Variants in WFDC13 observed in about 807,000 individuals in gnomAD.
WFDC13 encodes WAP four-disulfide core domain protein 13.
WFDC13 carries 6 observed loss-of-function variants against 10.9 expected under a neutral mutation model. That is an observed-to-expected ratio of 0.55 (90% CI 0.30 to 1.09). WFDC13 has a LOEUF of 1.09. WFDC13 is among the 50% of genes least tolerant of loss of function. The probability of loss-of-function intolerance (pLI) is 0.06; values close to 1 mark genes in which losing one functional copy is unlikely to be tolerated. For synonymous variants in WFDC13, 38 were observed against 39.5 expected, an observed-to-expected ratio of 0.96 and a Z score of 0.14; for missense variants, 104 against 109.6, an observed-to-expected ratio of 0.95 and a Z score of 0.23.
intron 1 of WFDC13, 94 bp downstream of exon 1, chr20:45,702,305 AC>A: frequency 1.6e-6 from 2 of 1,289,626 alleles, no homozygotes; most frequent in East Asian, 5.1e-5. Flanking sequence ...TTGGAAAAAT[AC>A]CGTGTCATGT....
chr20:45,704,588 G>T lies in WFDC13; in HGVS notation c.233G>T (p.Arg78Leu), dbSNP rs142436120. The stretch of plus-strand genomic sequence containing the variant: ...TGTTCATCAGAAACATTTCAAAAGC[G>T]CAACAGGTAAGAGATATCTCATATC... ...IVCSSETFQKRNRIKHKGSEV... is the reference protein window; with the variant it reads ...IVCSSETFQKLNRIKHKGSEV... The change falls in exon 2 of 4, where the codon CGC (arginine) becomes CTC (leucine). Residue 78 changes from arginine to leucine, a missense_variant. Physicochemically the swap from Arg to Leu is moderately radical, Grantham distance 102 (BLOSUM62 -2). Transcript: ENST00000305479. The T allele has an allele frequency of 2.9e-5, 47 of 1,613,864 alleles. No individual in the cohort carries two copies. The highest frequency in any genetic ancestry group is 3.7e-5 in the Non-Finnish European group (44 of 1,179,944).
rs1984463708 is a variant in WFDC13 at position 45,708,048 on chromosome 20, C to T, written c.*213C>T. ...CTTCCAAAGCTCAGCACAGTTTCCT[C>T]CTGGGATGAGGAGAGGAATCAGAAA... On this transcript the variant is annotated 3_prime_UTR_variant, in exon 4 of 4. Transcript: ENST00000305479. The T allele has an allele frequency of 6.6e-6, 1 of 152,200 alleles. No homozygotes were observed. Among genetic ancestry groups the T allele is most frequent in the Non-Finnish European group, 1.5e-5 (1 of 68,056 alleles). The allele number at this position is 152,200 out of a possible 1,614,324, so 9.4% of individuals were successfully genotyped here.
Position 45,704,423 on chromosome 20 carries a change from C to T in WFDC13, c.89-21C>T, listed in dbSNP as rs149219487. On this transcript the variant is annotated intron_variant, in intron 1 of 3. Transcript: ENST00000305479. ...TCCAGCCTGTTGGTGAGGCCCTTCT[C>T]TTACTTGTTCTGTGTTCCAGAGTAT... 88 of 1,603,590 alleles carry T rather than the reference C, an allele frequency of 5.5e-5. No homozygotes were observed. In the East Asian group the frequency reaches 1.9e-3, roughly 34 times the overall value.
At chr20:45,704,848 ACC>A (rs1046336493) in intron 2 of WFDC13, 7 of 1,514,702 alleles carry the variant, frequency 4.6e-6, no homozygotes. Context: ...CTCTGAACAC[ACC>A]CACAAATGCC....
intron 2 of WFDC13, 79 bp downstream of exon 2, chr20:45,704,673 G>GT: frequency 6.6e-7 from 1 of 1,519,662 alleles, no homozygotes; most frequent in Non-Finnish European, 8.8e-7. Context: ...ACCAGCAACT[G>GT]TGCTGGATCT....
At chr20:45,706,589 G>A (rs1421537805) in intron 3 of WFDC13, among the ~76,000 whole-genome samples, 1 of 152,008 alleles carries the variant, frequency 6.6e-6, no homozygotes, top group Admixed American at 6.5e-5. Context: ...CTGACCAACA[G>A]AGTGAAACCC....
At chr20:45,704,032 A>C (rs1984285206) in intron 1 of WFDC13, among the ~76,000 whole-genome samples, 1 of 152,192 alleles carries the variant, frequency 6.6e-6, no homozygotes, top group Admixed American at 6.5e-5. Context: ...CCCAGGGTAA[A>C]CTATGTTGTT....
At position 45,708,627 on chromosome 20, in the gene WFDC13, TAAG is replaced by T. The variant is rs1984491686; in HGVS notation, c.*797_*799del. 6.6e-6 allele frequency: 1 copy of T among 152,104 alleles called. No individual in the cohort carries two copies. 9.4% of individuals were successfully genotyped at this position (152,104 alleles called of 1,614,324 possible). On this transcript the variant is annotated 3_prime_UTR_variant, in exon 4 of 4. Transcript: ENST00000305479. ...AGAAATGATATAAAAACTATAGTCA[TAAG>T]AAGAGACAATCAAAAATAATCAGCC...
In WFDC13 at chr20:45,708,337, G is replaced by C. The variant is rs1568677718; in HGVS notation, c.*502G>C. 1 of 152,272 alleles carries C rather than the reference G, an allele frequency of 6.6e-6. No homozygotes were observed. The highest frequency in any genetic ancestry group is 1.5e-5 in the Non-Finnish European group (1 of 68,176). 9.4% of individuals were successfully genotyped at this position (152,272 alleles called of 1,614,324 possible). A position where few individuals can be genotyped will look rare whatever the true frequency, so the allele number is the denominator to read the frequency against. ...AACCCAGGACAGGCACAGTGGGGGT[G>C]GTGAGGACCTGATAGAGTTGGATCA... On this transcript the variant is annotated 3_prime_UTR_variant, in exon 4 of 4. Coordinates refer to ENST00000305479, the MANE Select transcript of WFDC13 (RefSeq NM_172005.2).
intron 2 of WFDC13, chr20:45,705,026 C>T (rs776601333): frequency 1.2e-6 from 2 of 1,606,012 alleles, no homozygotes; most frequent in South Asian, 2.2e-5. Context: ...CTCTGGAGAT[C>T]CAGCCCAAAG....
intron 3 of WFDC13, among the ~76,000 whole-genome samples, chr20:45,706,771 CAA>C (rs11362047): frequency 3.3e-4 from 46 of 138,164 alleles, no homozygotes; most frequent in Admixed American, 5.8e-4. Flanking sequence ...GACTCCGTCT[CAA>C]AAAAAAAAAA....
At chr20:45,706,213 C>A (rs1003234938) in intron 3 of WFDC13, among the ~76,000 whole-genome samples, 1 of 152,210 alleles carries the variant, frequency 6.6e-6, no homozygotes, top group African/African-American at 2.4e-5. Context: ...TGTCAAGGAA[C>A]AAGCTCTTCT....
At chr20:45,706,741 C>T (rs1984406908) in intron 3 of WFDC13, among the ~76,000 whole-genome samples, 1 of 149,630 alleles carries the variant, frequency 6.7e-6, no homozygotes, top group Non-Finnish European at 1.5e-5. Flanking sequence ...CATTGCACTC[C>T]AGCCTGGGCG....
At chr20:45,705,292 G>A (rs780032518) in intron 2 of WFDC13, 16 of 401,012 alleles carry the variant, frequency 4.0e-5, no homozygotes, top group Non-Finnish European at 7.3e-5. Context: ...ACTCACAGTG[G>A]AAGACTCAAC....
chr20:45,707,538 G>T (rs1318350749), intron 3 of WFDC13, among the ~76,000 whole-genome samples: 1 of 152,176 alleles, frequency 6.6e-6, no homozygotes, highest in Non-Finnish European at 1.5e-5. Context: ...ACCACATGTG[G>T]TTAGTAGCTA....
chr20:45,707,427 T>C (rs232287), intron 3 of WFDC13, among the ~76,000 whole-genome samples: 4,569 of 152,296 alleles, frequency 0.03, 234 homozygotes, highest in African/African-American at 0.1. Context: ...CTGTAGGCAC[T>C]GGTCACGAGA....
intron 2 of WFDC13, 69 bp downstream of exon 2, chr20:45,704,663 A>G: frequency 4.5e-6 from 7 of 1,566,624 alleles, no homozygotes; most frequent in Non-Finnish European, 6.0e-6. Flanking sequence ...AGAGTCCCTT[A>G]CCAGCAACTG....
chr20:45,705,301 A>T lies in WFDC13; in HGVS notation c.240-562A>T, dbSNP rs968914519. On this transcript the variant is annotated intron_variant, in intron 2 of 3. Coordinates refer to ENST00000305479, the MANE Select transcript of WFDC13 (RefSeq NM_172005.2). ...CAAAAGACTCACAGTGGAAGACTCA[A>T]CCAATGAGCCCTTTGAGGGAAGCCT... 5 of 381,122 alleles carry T rather than the reference A, an allele frequency of 1.3e-5. No homozygotes were observed. In the Admixed American group the frequency reaches 2.0e-4, roughly 15 times the overall value. 23.6% of individuals were successfully genotyped at this position (381,122 alleles called of 1,614,324 possible). A position where few individuals can be genotyped will look rare whatever the true frequency, so the allele number is the denominator to read the frequency against.
chr20:45,705,033 A>T (rs750197906), intron 2 of WFDC13: 2 of 1,602,750 alleles, frequency 1.2e-6, no homozygotes, highest in East Asian at 2.2e-5. Flanking sequence ...GATCCAGCCC[A>T]AAGGAAGTTT....
Sources: gnomAD v4.1 joint callset for allele counts (sites outside exome capture counted in the v4.1 genomes callset) on GRCh38, gnomAD v4.1.1 for gene constraint, MANE v1.5 for transcripts, NCBI Gene and HGNC (gene_info 2026-07-23, HGNC 2026-07-21) for gene names.